The following NCAPG2 variants were observed in gnomAD, a reference collection of about 807,000 sequenced individuals.
The protein encoded by NCAPG2 is condensin-2 complex subunit G2.
Under a neutral mutation model 141.1 loss-of-function variants are expected in NCAPG2, and 53 were observed. The ratio of observed to expected loss-of-function variants is 0.38; its 90% confidence interval spans 0.30 to 0.47. NCAPG2 has a LOEUF of 0.47. Among genes scored for constraint, NCAPG2 ranks in the 20% least tolerant of loss-of-function variants. The pLI is 0.99. For synonymous variants in NCAPG2, 499 were observed against 490.7 expected, an observed-to-expected ratio of 1.02 and a Z score of -0.22; for missense variants, 1,087 against 1,389.0, an observed-to-expected ratio of 0.78 and a Z score of 3.46.
chr7:158,685,550 C>A (rs1360073165), intron 8 of NCAPG2, among the ~76,000 whole-genome samples: 1 of 152,128 alleles, frequency 6.6e-6, no homozygotes, highest in Non-Finnish European at 1.5e-5. Context: ...CCTATGCACT[C>A]CTGCACACTT....
intron 3 of NCAPG2, 63 bp downstream of exon 3, chr7:158,693,246 T>C (rs1835238876): frequency 1.3e-6 from 2 of 1,504,716 alleles, no homozygotes; most frequent in East Asian, 4.5e-5. Flanking sequence ...TGATACACAG[T>C]GAAGTTATTT....
intron 12 of NCAPG2, among the ~76,000 whole-genome samples, chr7:158,673,987 G>T (rs1257167958): frequency 6.6e-6 from 1 of 152,202 alleles, no homozygotes; most frequent in Admixed American, 6.5e-5. Flanking sequence ...AGTGGACATA[G>T]AAGACGCTTT....
In NCAPG2 at chr7:158,656,327, C is replaced by T. The variant is rs191457466; in HGVS notation, c.2321G>A (p.Arg774His). 6 of 1,614,120 alleles carry T rather than the reference C, an allele frequency of 3.7e-6. No individual in the cohort carries two copies. In the Admixed American group the frequency reaches 6.7e-5, roughly 18 times the overall value. ...IEYLLTHPKN[R>H]ECLLSAPRKK... is the part of the protein sequence containing the mutation. ...CCGAGGAGCAGAGAGCAAGCACTCG[C>T]GGTTCTTTGGATGAGTCAGCAGATA... is the stretch of plus-strand genomic sequence containing the variant. Residue 774 changes from arginine to histidine, a missense_variant, in exon 19 of 28, where the codon CGC (arginine) becomes CAC (histidine). Arg to His is a conservative substitution (Grantham distance 29). Coordinates refer to ENST00000356309, the MANE Select transcript of NCAPG2 (RefSeq NM_017760.7).
At chr7:158,672,798 C>T (rs1180235463) in intron 12 of NCAPG2, among the ~76,000 whole-genome samples, 3 of 152,188 alleles carry the variant, frequency 2.0e-5, no homozygotes, top group African/African-American at 7.2e-5. Context: ...GGCCACCGGC[C>T]ACCACCTACC....
intron 6 of NCAPG2, among the ~76,000 whole-genome samples, chr7:158,689,287 A>T (rs1254916158): frequency 6.6e-6 from 1 of 152,204 alleles, no homozygotes; most frequent in Admixed American, 6.5e-5. Flanking sequence ...TTTCCCACTA[A>T]ATCTTCAAAT....
At chr7:158,675,105 C>T (rs1364563556) in intron 12 of NCAPG2, among the ~76,000 whole-genome samples, 1 of 152,184 alleles carries the variant, frequency 6.6e-6, no homozygotes, top group Non-Finnish European at 1.5e-5. Flanking sequence ...GTTTGAGCTA[C>T]AATTGGTGTT....
chr7:158,652,156 CG>C, intron 23 of NCAPG2, 136 bp downstream of exon 23: 2 of 843,262 alleles, frequency 2.4e-6, no homozygotes, highest in Non-Finnish European at 3.7e-6. Flanking sequence ...CAGTGCACCT[CG>C]CCAGCAGGGA....
At chr7:158,696,397 T>C (rs948669173) in intron 2 of NCAPG2, 1 of 152,190 alleles carries the variant, frequency 6.6e-6, no homozygotes, top group African/African-American at 2.4e-5. Context: ...GGAGAGGACA[T>C]AGGCTGCAGA....
chr7:158,676,538 TAAA>T (rs201693417), intron 11 of NCAPG2, among the ~76,000 whole-genome samples: 1 of 150,878 alleles, frequency 6.6e-6, no homozygotes, highest in East Asian at 1.9e-4. Flanking sequence ...ATGGCATGAT[TAAA>T]AAAAAAATTA....
intron 27 of NCAPG2, among the ~76,000 whole-genome samples, chr7:158,632,021 C>T (rs1361121261): frequency 6.6e-6 from 1 of 152,148 alleles, no homozygotes; most frequent in Non-Finnish European, 1.5e-5. Context: ...AGGACGTGTG[C>T]TCTTCCTTTC....
chr7:158,660,989 T>C (rs973535449), intron 16 of NCAPG2, among the ~76,000 whole-genome samples: 1 of 152,184 alleles, frequency 6.6e-6, no homozygotes, highest in Admixed American at 6.5e-5. Flanking sequence ...GTCATGACTG[T>C]GAGGCTTCCC....
chr7:158,667,363 GA>G (rs1833102829), intron 13 of NCAPG2: 1 of 143,006 alleles, frequency 7.0e-6, no homozygotes, highest in African/African-American at 1.5e-4. Context: ...GCCACTACCG[GA>G]TCCCTCCGCC....
intron 27 of NCAPG2, among the ~76,000 whole-genome samples, chr7:158,637,162 T>A (rs1830275410): frequency 6.6e-6 from 1 of 152,258 alleles, no homozygotes; most frequent in East Asian, 1.9e-4. Context: ...TTAGCCAGGA[T>A]GGTCTCGATC....
At chr7:158,669,398 G>A (rs943853522) in intron 13 of NCAPG2, among the ~76,000 whole-genome samples, 2 of 152,148 alleles carry the variant, frequency 1.3e-5, no homozygotes, top group African/African-American at 4.8e-5. Flanking sequence ...CAGTGTAAAA[G>A]CACAGAACTA....
At chr7:158,685,493 C>T (rs769825676) in intron 8 of NCAPG2, among the ~76,000 whole-genome samples, 10 of 152,168 alleles carry the variant, frequency 6.6e-5, no homozygotes, top group Non-Finnish European at 1.5e-4. Flanking sequence ...CCAGAATCTG[C>T]GGATGCTCAA....
At chr7:158,668,705 A>G (rs1833465848) in intron 13 of NCAPG2, among the ~76,000 whole-genome samples, 1 of 152,226 alleles carries the variant, frequency 6.6e-6, no homozygotes, top group Non-Finnish European at 1.5e-5. Flanking sequence ...AAGTAAAAAT[A>G]TTCACAAAAA....
chr7:158,689,825 T>C lies in NCAPG2; in HGVS notation c.666A>G (p.Lys222=), dbSNP rs745680851. The C allele has an allele frequency of 5.7e-6, 9 of 1,576,506 alleles. No homozygotes were observed. The South Asian group carries it at 9.3e-5, about 16-fold the overall frequency. ...AAAACAAATACCTATTTACCTCTTC[T>C]TTCTTGATATAATTAATATTTATGA... ...ECFININYIK[K]EEGRRFLSCL... is the part of the protein sequence containing the mutation. Residue 222 remains lysine, a synonymous_variant, in exon 6 of 28, where the codon AAA becomes AAG. Coordinates refer to ENST00000356309, the MANE Select transcript of NCAPG2 (RefSeq NM_017760.7).
chr7:158,646,427 A>G (rs780588959), intron 25 of NCAPG2, 33 bp downstream of exon 25: 1 of 1,514,928 alleles, frequency 6.6e-7, no homozygotes, highest in Non-Finnish European at 9.1e-7. Flanking sequence ...AGCCACGATG[A>G]GCATTTCAGG....
chr7:158,697,920 C>A (rs1435115721), intron 2 of NCAPG2, among the ~76,000 whole-genome samples: 1 of 152,162 alleles, frequency 6.6e-6, no homozygotes, highest in Non-Finnish European at 1.5e-5. Flanking sequence ...GGGAACAACA[C>A]ACACTGGCCT....
Sources: allele counts gnomAD v4.1 joint callset (sites outside exome capture counted in the v4.1 genomes callset), GRCh38; gene constraint gnomAD v4.1.1; transcripts MANE v1.5; gene names NCBI Gene and HGNC (gene_info 2026-07-23, HGNC 2026-07-21).